The following CYB5R3 variants were observed in gnomAD, a reference collection of about 807,000 sequenced individuals.
CYB5R3 encodes cytochrome b5 reductase 3, also known as NADH-cytochrome b5 reductase 3.
In CYB5R3, 28 loss-of-function variants were observed where a neutral mutation model predicts 36.5. The observed-to-expected ratio is 0.77, with a 90% CI of 0.57 to 1.05. CYB5R3 has a LOEUF of 1.05. Among genes scored for constraint, CYB5R3 ranks in the 50% least tolerant of loss-of-function variants. The probability of loss-of-function intolerance (pLI) is 0.00; values close to 1 mark genes in which losing one functional copy is unlikely to be tolerated. For missense variants in CYB5R3, 474 were observed against 408.9 expected, an observed-to-expected ratio of 1.16 and a Z score of -1.37; for synonymous variants, 181 against 159.8, an observed-to-expected ratio of 1.13 and a Z score of -1.00.
chr22:42,621,738 C>T (rs1927983891), intron 8 of CYB5R3, among the ~76,000 whole-genome samples: 1 of 152,264 alleles, frequency 6.6e-6, no homozygotes, highest in Non-Finnish European at 1.5e-5. Context: ...GGGACCAGGC[C>T]TCGCTCTGGC....
intron 4 of CYB5R3, among the ~76,000 whole-genome samples, chr22:42,628,548 G>T (rs1928430627): frequency 6.6e-6 from 1 of 152,254 alleles, no homozygotes; most frequent in South Asian, 2.1e-4. Flanking sequence ...CAACTCCAGG[G>T]CTGGATGCAC....
chr22:42,634,687 A>G (rs1928794122), intron 2 of CYB5R3, among the ~76,000 whole-genome samples: 2 of 135,964 alleles, frequency 1.5e-5, no homozygotes, highest in African/African-American at 5.7e-5. Context: ...GTGCAGTGGC[A>G]CGATCTCGGC....
At position 42,649,312 on chromosome 22, in the gene CYB5R3, C is replaced by T; in HGVS notation, c.4G>A (p.Gly2Arg). The change falls in exon 1 of 9, where the codon GGG becomes AGG. Residue 2 changes from glycine (G) to arginine (R), a missense_variant. Coordinates refer to ENST00000352397, the MANE Select transcript of CYB5R3 (RefSeq NM_000398.7). The part of the protein sequence containing the change: M[G>R]AQLSTLGHMV... ...CCGCCTACCGTGCTGAGCTGGGCCC[C>T]CATGGTGGCCCCGCGCCGCGCTCGC... is the stretch of plus-strand genomic sequence containing the variant. 2 of 1,022,472 alleles carry T rather than the reference C, an allele frequency of 2.0e-6. No individual in the cohort carries two copies. Among genetic ancestry groups the T allele is most frequent in the African/African-American group, 1.7e-5 (1 of 57,646 alleles). The allele number at this position is 1,022,472 out of a possible 1,614,324, so 63.3% of individuals were successfully genotyped here. A position where few individuals can be genotyped will look rare whatever the true frequency, so the allele number is the denominator to read the frequency against.
chr22:42,622,199 C>T (rs1000182000), intron 8 of CYB5R3, among the ~76,000 whole-genome samples: 10 of 152,296 alleles, frequency 6.6e-5, no homozygotes, highest in African/African-American at 1.2e-4. Context: ...GGATTACAGA[C>T]GTGAGCCACC....
rs188700574 is a variant in CYB5R3, at chr22:42,619,746, G to A, written c.*27C>T. On this transcript the variant is annotated 3_prime_UTR_variant, in exon 9 of 9. Coordinates refer to ENST00000352397, the MANE Select transcript of CYB5R3 (RefSeq NM_000398.7). ...GAACAGGGCGTGGGGTGCGCGGGGC[G>A]GGTGGCCGTGTGACCGTGCCCGGCC... is the stretch of plus-strand genomic sequence containing the variant. The A allele has an allele frequency of 1.5e-5, 23 of 1,547,822 alleles. No homozygotes were observed. The highest frequency in any genetic ancestry group is 1.4e-4 in the East Asian group (6 of 42,418).
At chr22:42,648,233 A>T (rs1270073712) in intron 1 of CYB5R3, among the ~76,000 whole-genome samples, 1 of 147,790 alleles carries the variant, frequency 6.8e-6, no homozygotes, top group African/African-American at 2.5e-5. Context: ...GGTCCTCCCC[A>T]AGGAGGGAGG....
At chr22:42,642,690 A>G (rs1021759546) in intron 1 of CYB5R3, among the ~76,000 whole-genome samples, 4 of 152,182 alleles carry the variant, frequency 2.6e-5, no homozygotes, top group African/African-American at 7.2e-5. Context: ...CGCCCGCCTC[A>G]GCCTCCCAAA....
At chr22:42,623,955 G>A in intron 7 of CYB5R3, 67 bp from the exon 8 acceptor site, 1 of 1,411,472 alleles carries the variant, frequency 7.1e-7, no homozygotes, top group South Asian at 1.2e-5. Flanking sequence ...ACACTCAACA[G>A]AGACGCGCCT....
At chr22:42,624,026 G>C (rs1569317089) in intron 7 of CYB5R3, 138 bp from the exon 8 acceptor site, 2 of 736,228 alleles carry the variant, frequency 2.7e-6, no homozygotes, top group African/African-American at 3.5e-5. Context: ...GACTCGGCCA[G>C]AGATCACCCT....
intron 8 of CYB5R3, 29 bp from the exon 9 acceptor site, chr22:42,619,974 C>G (rs752230883): frequency 1.8e-5 from 28 of 1,572,074 alleles, no homozygotes; most frequent in Non-Finnish European, 2.2e-5. Flanking sequence ...GGTAAGCTGA[C>G]GTGTGGCTGT....
rs2071847 is a variant in CYB5R3 at position 42,631,624 on chromosome 22, C to T, written c.154-174G>A. On this transcript the variant is annotated intron_variant, in intron 2 of 8. Transcript: ENST00000352397. ...CCAAGCACAGATGCACACACATGCA[C>T]GCTGCGTGTGAGGTGCTGAGGCCAG... The T allele has an allele frequency of 0.15, 100,693 of 668,472 alleles. 11,709 individuals are homozygous for T. Among genetic ancestry groups the T allele is most frequent in the East Asian group, 0.56 (20,676 of 36,876 alleles). The allele number at this position is 668,472 out of a possible 1,614,324, so 41.4% of individuals were successfully genotyped here. A position where few individuals can be genotyped will look rare whatever the true frequency, so the allele number is the denominator to read the frequency against.
intron 7 of CYB5R3, 39 bp downstream of exon 7, chr22:42,627,265 G>T (rs928427310): frequency 1.9e-6 from 3 of 1,573,868 alleles, no homozygotes; most frequent in Non-Finnish European, 2.6e-6. Context: ...CCCCTCTCAG[G>T]GTAAGCTGAG....
intron 1 of CYB5R3, chr22:42,639,956 C>T (rs777759825): frequency 1.2e-6 from 2 of 1,607,144 alleles, no homozygotes; most frequent in Non-Finnish European, 1.7e-6. Flanking sequence ...GATGTTAAGA[C>T]TGGTCTTCAA....
intron 4 of CYB5R3, among the ~76,000 whole-genome samples, chr22:42,629,044 A>G (rs1246493786): frequency 6.6e-6 from 1 of 152,120 alleles, no homozygotes; most frequent in African/African-American, 2.4e-5. Flanking sequence ...TCAAGGACCA[A>G]GGGAGCCAGC....
intron 1 of CYB5R3, among the ~76,000 whole-genome samples, chr22:42,641,010 C>A (rs1251750390): frequency 6.6e-6 from 1 of 151,942 alleles, no homozygotes; most frequent in African/African-American, 2.4e-5. Flanking sequence ...GCGCACGTCA[C>A]CACTCCTGGC....
At position 42,636,814 on chromosome 22, in the gene CYB5R3, G is replaced by A. The variant is rs1429659703; in HGVS notation, c.54C>T (p.Phe18=). Residue 18 remains phenylalanine, a synonymous_variant, in exon 2 of 9, where the codon TTC becomes TTT. Transcript: ENST00000352397. ...ACAGCTTCATGAGCAGACTGTACAG[G>A]AACCAGACTGGGAAGAGCACCATAT... ...LGHMVLFPVW[F]LYSLLMKLFQ... 1 of 1,613,794 alleles carries A rather than the reference G, an allele frequency of 6.2e-7. No individual in the cohort carries two copies. Among genetic ancestry groups the A allele is most frequent in the African/African-American group, 1.3e-5 (1 of 74,936 alleles).
intron 2 of CYB5R3, chr22:42,631,736 G>A (rs1466506874): frequency 1.9e-6 from 1 of 527,922 alleles, no homozygotes; most frequent in Non-Finnish European, 3.4e-6. Flanking sequence ...GGTCCCAAAG[G>A]GAGGATGCCA....
chr22:42,628,375 T>G, intron 4 of CYB5R3, 94 bp from the exon 5 acceptor site: 1 of 1,512,084 alleles, frequency 6.6e-7, no homozygotes, highest in East Asian at 2.3e-5. Flanking sequence ...TTCTGCAGCT[T>G]CTTCTGAGGC....
intron 1 of CYB5R3, among the ~76,000 whole-genome samples, chr22:42,648,362 G>C (rs1315943735): frequency 6.6e-6 from 1 of 152,234 alleles, no homozygotes; most frequent in African/African-American, 2.4e-5. Context: ...CAGTTGACAG[G>C]AGAGCTGCCC....
Sources: gnomAD v4.1 joint callset for allele counts (sites outside exome capture counted in the v4.1 genomes callset) on GRCh38, gnomAD v4.1.1 for gene constraint, MANE v1.5 for transcripts, NCBI Gene and HGNC (gene_info 2026-07-23, HGNC 2026-07-21) for gene names.